Variants in ATP2B1 observed in about 807,000 individuals in gnomAD.
ATP2B1 encodes ATPase plasma membrane Ca2+ transporting 1.
Under a neutral mutation model 124.2 loss-of-function variants are expected in ATP2B1, and 14 were observed. The ratio of observed to expected loss-of-function variants is 0.11; its 90% confidence interval spans 0.07 to 0.18. The LOEUF is 0.18. ATP2B1 is among the 10% of genes least tolerant of loss of function. ATP2B1 has a pLI of 1.00. For synonymous variants in ATP2B1, 449 were observed against 492.4 expected (o/e 0.91, Z 1.17); for missense variants, 763 against 1,466.1 (o/e 0.52, Z 7.83).
chr12:89,636,232 G>T (rs973978630), intron 3 of ATP2B1, among the ~76,000 whole-genome samples: 9 of 151,876 alleles, frequency 5.9e-5, no homozygotes, highest in African/African-American at 2.2e-4. Context: ...AGGTGGGGAG[G>T]GGGGAGAGAA....
At chr12:89,599,729 TA>T (rs138476454) in intron 19 of ATP2B1, among the ~76,000 whole-genome samples, 1,626 of 152,262 alleles carry the variant, frequency 0.011, 25 homozygotes, top group African/African-American at 0.038. Flanking sequence ...ATAAAATTTT[TA>T]AAAAAATCAT....
intron 1 of ATP2B1, among the ~76,000 whole-genome samples, chr12:89,681,162 G>A (rs766571055): frequency 1.3e-5 from 2 of 152,026 alleles, no homozygotes; most frequent in African/African-American, 4.8e-5. Context: ...AGAAAAGAAT[G>A]CATATGTTAT....
At chr12:89,595,308 A>C (rs1216163973) in intron 20 of ATP2B1, among the ~76,000 whole-genome samples, 2 of 152,012 alleles carry the variant, frequency 1.3e-5, no homozygotes, top group Non-Finnish European at 2.9e-5. Flanking sequence ...TAGAAAACCA[A>C]ATTTTCTCTC....
chr12:89,675,444 T>C (rs1466260495), intron 1 of ATP2B1, among the ~76,000 whole-genome samples: 1 of 152,158 alleles, frequency 6.6e-6, no homozygotes, highest in Non-Finnish European at 1.5e-5. Flanking sequence ...GCAGAATTAC[T>C]GTAGTTCCTC....
At chr12:89,638,164 A>C (rs1882987829) in intron 3 of ATP2B1, among the ~76,000 whole-genome samples, 1 of 152,204 alleles carries the variant, frequency 6.6e-6, no homozygotes, top group African/African-American at 2.4e-5. Context: ...AAATATATAA[A>C]GAATTTTAAC....
At chr12:89,677,961 T>C (rs1442525363) in intron 1 of ATP2B1, among the ~76,000 whole-genome samples, 5 of 25,816 alleles carry the variant, frequency 1.9e-4, no homozygotes, top group East Asian at 1.0e-3. Context: ...GAATTATATA[T>C]ATATATATAT....
intron 1 of ATP2B1, among the ~76,000 whole-genome samples, chr12:89,677,877 CAAAG>C: frequency 6.7e-6 from 1 of 150,086 alleles, no homozygotes; most frequent in Middle Eastern, 3.4e-3. Context: ...CAGAATGGGA[CAAAG>C]AAAGGAACAA....
At chr12:89,654,147 G>A (rs529129509) in intron 2 of ATP2B1, among the ~76,000 whole-genome samples, 3 of 152,016 alleles carry the variant, frequency 2.0e-5, no homozygotes, top group Non-Finnish European at 4.4e-5. Flanking sequence ...TCTCAAAGTC[G>A]GTTTGCATAA....
At chr12:89,599,396 C>T (rs1875347289) in intron 19 of ATP2B1, 97 bp from the exon 20 acceptor site, 1 of 1,305,314 alleles carries the variant, frequency 7.7e-7, no homozygotes, top group Non-Finnish European at 1.0e-6. Context: ...GTGAGAGTAT[C>T]CGACTATCTT....
At chr12:89,633,096 T>C (rs938836020) in intron 5 of ATP2B1, among the ~76,000 whole-genome samples, 1 of 152,148 alleles carries the variant, frequency 6.6e-6, no homozygotes, top group Non-Finnish European at 1.5e-5. Flanking sequence ...TCCCTCTCCT[T>C]TGGAAAGGTT....
At chr12:89,690,981 A>C (rs907790796) in intron 1 of ATP2B1, among the ~76,000 whole-genome samples, 2 of 152,170 alleles carry the variant, frequency 1.3e-5, no homozygotes, top group Non-Finnish European at 2.9e-5. Context: ...GCACTTTAAG[A>C]ATCATCCAAG....
In ATP2B1 at chr12:89,620,257, T is replaced by G; in HGVS notation, c.1588-17A>C. The stretch of plus-strand genomic sequence containing the variant: ...CTCTGGTGGCTATAAGAGAAAAACA[T>G]TTAGTAGCTAGTATCTCGTTTCTCT... On this transcript the variant is annotated splice_polypyrimidine_tract_variant and intron_variant, in intron 10 of 20. Transcript: ENST00000428670. 1 of 1,610,736 alleles carries G rather than the reference T, an allele frequency of 6.2e-7. No individual in the cohort carries two copies. Among genetic ancestry groups the G allele is most frequent in the South Asian group, 1.1e-5 (1 of 91,028 alleles).
chr12:89,654,619 T>G (rs747646736), intron 2 of ATP2B1, among the ~76,000 whole-genome samples: 8 of 152,128 alleles, frequency 5.3e-5, no homozygotes, highest in Non-Finnish European at 1.2e-4. Context: ...AATTAACAAT[T>G]CACAATGAAT....
At chr12:89,654,123 G>C (rs1210534481) in intron 2 of ATP2B1, among the ~76,000 whole-genome samples, 4 of 152,150 alleles carry the variant, frequency 2.6e-5, no homozygotes, top group Non-Finnish European at 5.9e-5. Flanking sequence ...AAATCTCTAA[G>C]ATGCTATATA....
At chr12:89,607,865 T>C (rs1170865078) in intron 15 of ATP2B1, among the ~76,000 whole-genome samples, 1 of 152,158 alleles carries the variant, frequency 6.6e-6, no homozygotes. Flanking sequence ...AGTTGGTTGA[T>C]TCTGCGGATG....
At position 89,590,896 on chromosome 12, in the gene ATP2B1, A is replaced by C; in HGVS notation, c.*88T>G. ...TCTGTTGAAGTCCAAAGACAAGAAT[A>C]CTAGCTTGTCCATCACAATATGTGA... On this transcript the variant is annotated 3_prime_UTR_variant, in exon 21 of 21. Coordinates refer to ENST00000428670, the MANE Select transcript of ATP2B1 (RefSeq NM_001366521.1). 1 of 1,252,478 alleles carries C rather than the reference A, an allele frequency of 8.0e-7. No individual in the cohort carries two copies. Among genetic ancestry groups the C allele is most frequent in the Non-Finnish European group, 1.1e-6 (1 of 887,622 alleles). 77.6% of individuals were successfully genotyped at this position (1,252,478 alleles called of 1,614,324 possible).
intron 1 of ATP2B1, among the ~76,000 whole-genome samples, chr12:89,679,033 A>G (rs975114328): frequency 6.6e-6 from 1 of 152,126 alleles, no homozygotes; most frequent in Non-Finnish European, 1.5e-5. Context: ...GCTCCAGAGT[A>G]GATCCAAAGC....
chr12:89,632,165 T>C (rs1368170467), intron 5 of ATP2B1, among the ~76,000 whole-genome samples: 1 of 152,138 alleles, frequency 6.6e-6, no homozygotes, highest in Non-Finnish European at 1.5e-5. Flanking sequence ...CACGTTATCA[T>C]TGATTTGTAT....
At chr12:89,630,065 T>C (rs1346973567) in intron 6 of ATP2B1, among the ~76,000 whole-genome samples, 1 of 152,212 alleles carries the variant, frequency 6.6e-6, no homozygotes, top group East Asian at 1.9e-4. Flanking sequence ...ATGTAAGGTG[T>C]CAAAGTGAAG....
Sources: allele counts gnomAD v4.1 joint callset (sites outside exome capture counted in the v4.1 genomes callset), GRCh38; gene constraint gnomAD v4.1.1; transcripts MANE v1.5; gene names NCBI Gene and HGNC (gene_info 2026-07-23, HGNC 2026-07-21).